FRMD6: variants seen among roughly 807,000 people sequenced by gnomAD.
FRMD6 encodes the protein FERM domain-containing protein 6.
FRMD6 carries 37 observed loss-of-function variants against 73.2 expected under a neutral mutation model. That is an observed-to-expected ratio of 0.51 (90% CI 0.39 to 0.66). FRMD6 has a LOEUF of 0.66. FRMD6 is among the 30% of genes least tolerant of loss of function. FRMD6 has a pLI of 0.00. For missense variants in FRMD6, 714 were observed against 780.5 expected (o/e 0.91, Z 1.02); for synonymous variants, 273 against 282.2 (o/e 0.97, Z 0.33).
At chr14:51,617,489 A>G (rs11157837) in intron 2 of FRMD6, among the ~76,000 whole-genome samples, 37,228 of 152,044 alleles carry the variant, frequency 0.24, 4,743 homozygotes, top group East Asian at 0.32. Flanking sequence ...TCAGTGAGAT[A>G]ACGAACATGA....
At chr14:51,678,161 G>A (rs144917368) in intron 1 of FRMD6, among the ~76,000 whole-genome samples, 14 of 152,180 alleles carry the variant, frequency 9.2e-5, no homozygotes, top group South Asian at 4.1e-4. Flanking sequence ...TTATAGATAC[G>A]GAAGCTGAGA....
At chr14:51,426,966 T>C in the FRMD6 span, among the ~76,000 whole-genome samples, 1 of 152,160 alleles carries the variant, frequency 6.6e-6, no homozygotes, top group African/African-American at 2.4e-5. Flanking sequence ...TAGATCTGGA[T>C]TGGAATTAGC....
At chr14:51,566,999 TG>T (rs1402144332) in intron 1 of FRMD6, among the ~76,000 whole-genome samples, 1 of 152,154 alleles carries the variant, frequency 6.6e-6, no homozygotes, top group Non-Finnish European at 1.5e-5. Context: ...GCCAGACAGC[TG>T]CTACAGATGA....
chr14:51,607,307 C>T (rs1354259604), intron 2 of FRMD6, among the ~76,000 whole-genome samples: 1 of 152,144 alleles, frequency 6.6e-6, no homozygotes, highest in African/African-American at 2.4e-5. Context: ...TGTCTTCTGA[C>T]TCACACTATG....
In FRMD6 at chr14:51,580,583, A is replaced by G. The variant is rs554317364; in HGVS notation, c.-147+10173A>G. 2.6e-5 allele frequency among the ~76,000 whole-genome samples: 4 copies of G among 152,168 alleles called. No homozygotes were observed. The South Asian group carries it at 8.3e-4, about 32-fold the overall frequency. On this transcript the variant is annotated intron_variant, in intron 2 of 14. Coordinates refer to the FRMD6 transcript ENST00000356218. ...GAACTGCAACATCAGAATCCTACCC[A>G]ATATAGAATGGTTGAAAATAGGTAC... is the stretch of plus-strand genomic sequence containing the variant.
At chr14:51,578,897 T>C (rs1056329956) in intron 2 of FRMD6, 1 of 152,160 alleles carries the variant, frequency 6.6e-6, no homozygotes, top group Non-Finnish European at 1.5e-5. Context: ...TAAATGACCT[T>C]GAAGGCCAGG....
the FRMD6 span, among the ~76,000 whole-genome samples, chr14:51,441,475 C>T: frequency 2.0e-5 from 3 of 152,324 alleles, no homozygotes; most frequent in East Asian, 5.8e-4. Context: ...CCTACTTTCA[C>T]TAAAGAAGGT....
At chr14:51,610,626 AGTTTCCTAGGGTTCC>A (rs145060340) in intron 2 of FRMD6, among the ~76,000 whole-genome samples, 15,346 of 152,270 alleles carry the variant, frequency 0.1, 1,015 homozygotes, top group Non-Finnish European at 0.15. Flanking sequence ...GTCTAATGCC[AGTTTCCTAGGGTTCC>A]ATCATAAAAT....
chr14:51,399,730 T>C, the FRMD6 span, among the ~76,000 whole-genome samples: 1 of 152,208 alleles, frequency 6.6e-6, no homozygotes, highest in Non-Finnish European at 1.5e-5. Context: ...GTTTTCTCAG[T>C]ATTTTTATTC....
intron 2 of FRMD6, among the ~76,000 whole-genome samples, chr14:51,574,179 A>G (rs1035669116): frequency 6.6e-6 from 1 of 152,026 alleles, no homozygotes; most frequent in Non-Finnish European, 1.5e-5. Flanking sequence ...GTAAACATCA[A>G]TCCTCTCTGA....
chr14:51,701,286 A>T lies in FRMD6; in HGVS notation c.294+127A>T, dbSNP rs533407008. ...CTATACTATATTTTCTACTTTATCT[A>T]CTAAGTTATATATAGTATATGTATA... On this transcript the variant is annotated intron_variant, in intron 4 of 13. Transcript: ENST00000344768. 1,228 of 403,132 alleles carry T rather than the reference A, an allele frequency of 3.0e-3. 2 individuals are homozygous for T. The highest frequency in any genetic ancestry group is 4.1e-3 in the Non-Finnish European group (909 of 221,874). The allele number at this position is 403,132 out of a possible 1,614,324, so 25.0% of individuals were successfully genotyped here. A position where few individuals can be genotyped will look rare whatever the true frequency, so the allele number is the denominator to read the frequency against.
chr14:51,645,938 G>T (rs958967617), intron 2 of FRMD6, among the ~76,000 whole-genome samples: 6 of 152,112 alleles, frequency 3.9e-5, no homozygotes, highest in Non-Finnish European at 7.3e-5. Context: ...CATTGGCCAG[G>T]CTGTACATGC....
chr14:51,701,916 A>G (rs59902590), intron 4 of FRMD6, among the ~76,000 whole-genome samples: 1 of 151,932 alleles, frequency 6.6e-6, no homozygotes, highest in African/African-American at 2.4e-5. Flanking sequence ...TTTCACAAAC[A>G]TTAATTTCAT....
Position 51,708,613 on chromosome 14 carries a change from A to C in FRMD6, c.714+380A>C, listed in dbSNP as rs146329350. On this transcript the variant is annotated intron_variant, in intron 7 of 13. Transcript: ENST00000344768. ...TAATTTTTAATATTCCTCAAAGTGA[A>C]GCTATACCTGCGTTGTATCCGTCAG... 6.3e-3 allele frequency among the ~76,000 whole-genome samples: 960 copies of C among 152,262 alleles called. 38 individuals are homozygous for C. Among genetic ancestry groups the C allele is most frequent in the Admixed American group, 0.055 (845 of 15,284 alleles).
intron 1 of FRMD6, among the ~76,000 whole-genome samples, chr14:51,556,046 C>T (rs1887111509): frequency 6.6e-6 from 1 of 152,164 alleles, no homozygotes; most frequent in Admixed American, 6.5e-5. Flanking sequence ...TCCTTCAAAA[C>T]TAGGGCTAAG....
At chr14:51,476,473 T>A in the FRMD6 span, among the ~76,000 whole-genome samples, 2 of 152,200 alleles carry the variant, frequency 1.3e-5, no homozygotes. Context: ...TTCACCAGTT[T>A]ACTCTTTATA....
At chr14:51,463,940 C>G in the FRMD6 span, among the ~76,000 whole-genome samples, 1 of 152,172 alleles carries the variant, frequency 6.6e-6, no homozygotes, top group Non-Finnish European at 1.5e-5. Flanking sequence ...ACCTCAGTCT[C>G]TCTGGTAGGT....
intron 1 of FRMD6, among the ~76,000 whole-genome samples, chr14:51,506,559 A>C (rs913292406): frequency 6.6e-6 from 1 of 152,210 alleles, no homozygotes; most frequent in South Asian, 2.1e-4. Flanking sequence ...AGGGTGAAGG[A>C]GGAAAATGGG....
At chr14:51,712,297 A>G (rs1048132954) in intron 8 of FRMD6, among the ~76,000 whole-genome samples, 186 bp from the exon 9 acceptor site, 3 of 152,258 alleles carry the variant, frequency 2.0e-5, no homozygotes, top group Non-Finnish European at 4.4e-5. Flanking sequence ...ACAGTCACAC[A>G]GGAACCAAAA....
Sources: allele counts gnomAD v4.1 joint callset (sites outside exome capture counted in the v4.1 genomes callset), GRCh38; gene constraint gnomAD v4.1.1; transcripts MANE v1.5; gene names NCBI Gene and HGNC (gene_info 2026-07-23, HGNC 2026-07-21).